Variants in CBLB observed in about 807,000 individuals in gnomAD.
CBLB encodes E3 ubiquitin-protein ligase CBL-B.
CBLB carries 31 observed loss-of-function variants against 104.9 expected under a neutral mutation model. The observed-to-expected ratio is 0.30, with a 90% CI of 0.22 to 0.40. The LOEUF is 0.40. CBLB is among the 10% of genes least tolerant of loss of function. CBLB has a pLI of 1.00. For missense variants in CBLB, 1,062 were observed against 1,214.6 expected, an observed-to-expected ratio of 0.87 and a Z score of 1.87; for synonymous variants, 440 against 422.6, an observed-to-expected ratio of 1.04 and a Z score of -0.51.
chr3:105,703,656 G>A (rs904927850), intron 11 of CBLB, among the ~76,000 whole-genome samples: 9 of 152,092 alleles, frequency 5.9e-5, no homozygotes, highest in East Asian at 1.9e-4. Flanking sequence ...AAAAATGAGC[G>A]TAAAATATCA....
At chr3:105,736,290 G>A (rs759968596) in intron 8 of CBLB, among the ~76,000 whole-genome samples, 3 of 151,882 alleles carry the variant, frequency 2.0e-5, no homozygotes, top group Non-Finnish European at 4.4e-5. Context: ...TTACCAGTTT[G>A]GTGTTTTTTT....
intron 3 of CBLB, among the ~76,000 whole-genome samples, chr3:105,794,517 T>A (rs891574655): frequency 6.6e-6 from 1 of 152,178 alleles, no homozygotes; most frequent in Admixed American, 6.5e-5. Context: ...CAGAGATCAT[T>A]TATTAATTTC....
At chr3:105,667,553 A>T (rs562911751) in intron 18 of CBLB, among the ~76,000 whole-genome samples, 180 of 152,318 alleles carry the variant, frequency 1.2e-3, no homozygotes, top group African/African-American at 4.2e-3. Context: ...ACGTTCATAT[A>T]TTTAAATTTC....
At chr3:105,838,842 G>T (rs1293247164) in intron 3 of CBLB, among the ~76,000 whole-genome samples, 2 of 152,016 alleles carry the variant, frequency 1.3e-5, no homozygotes, top group Non-Finnish European at 2.9e-5. Flanking sequence ...GTTTCACCAT[G>T]TTGGCCAGGA....
intron 9 of CBLB, among the ~76,000 whole-genome samples, chr3:105,732,848 G>A (rs187465730): frequency 1.6e-4 from 24 of 152,220 alleles, no homozygotes; most frequent in Admixed American, 2.6e-4. Flanking sequence ...AATAGGGTAG[G>A]AATGTCAACT....
chr3:105,781,515 A>G (rs1181395953), intron 3 of CBLB, among the ~76,000 whole-genome samples: 1 of 151,754 alleles, frequency 6.6e-6, no homozygotes, highest in African/African-American at 2.4e-5. Context: ...AATCTGCTCT[A>G]ATTATAGCCA....
At chr3:105,748,341 C>G (rs2076295992) in intron 5 of CBLB, among the ~76,000 whole-genome samples, 1 of 152,164 alleles carries the variant, frequency 6.6e-6, no homozygotes, top group South Asian at 2.1e-4. Flanking sequence ...CTCTATAATT[C>G]TTTACTACAA....
chr3:105,841,746 C>A (rs1283634836), intron 3 of CBLB, among the ~76,000 whole-genome samples: 1 of 152,118 alleles, frequency 6.6e-6, no homozygotes, highest in African/African-American at 2.4e-5. Context: ...AGCCACCACG[C>A]CCAGCCCAGA....
At chr3:105,667,720 T>C (rs1199374594) in intron 18 of CBLB, among the ~76,000 whole-genome samples, 2 of 152,192 alleles carry the variant, frequency 1.3e-5, no homozygotes, top group African/African-American at 4.8e-5. Flanking sequence ...TCAATGAAAC[T>C]ACATTTTAAA....
upstream of CBLB, chr3:105,869,428 C>G: frequency 7.5e-7 from 1 of 1,326,322 alleles, no homozygotes. Context: ...CGCTTACCTT[C>G]CTAGTCTTTT....
intron 18 of CBLB, 134 bp from the exon 19 acceptor site, chr3:105,659,363 T>C: frequency 2.1e-6 from 2 of 954,428 alleles, no homozygotes; most frequent in South Asian, 3.1e-5. Flanking sequence ...TTTTTTTCAA[T>C]TTTTCCATAC....
At chr3:105,838,149 C>T (rs1298033633) in intron 3 of CBLB, among the ~76,000 whole-genome samples, 3 of 147,134 alleles carry the variant, frequency 2.0e-5, no homozygotes, top group African/African-American at 5.0e-5. Flanking sequence ...GCGCCATGAC[C>T]TCAGCTCACA....
chr3:105,776,667 T>C, intron 3 of CBLB, 125 bp from the exon 4 acceptor site: 3 of 882,664 alleles, frequency 3.4e-6, no homozygotes, highest in Non-Finnish European at 5.3e-6. Flanking sequence ...TGGTGGTTGA[T>C]CACGAAAACC....
chr3:105,668,566 G>GTCTT (rs1417721896), intron 18 of CBLB, among the ~76,000 whole-genome samples: 1 of 152,072 alleles, frequency 6.6e-6, no homozygotes, highest in Non-Finnish European at 1.5e-5. Context: ...GTCAGATATT[G>GTCTT]TCTTTCTTTC....
chr3:105,659,810 G>T (rs2063601322), intron 18 of CBLB, among the ~76,000 whole-genome samples: 1 of 151,824 alleles, frequency 6.6e-6, no homozygotes, highest in South Asian at 2.1e-4. Flanking sequence ...CCTTACTGAT[G>T]CTAGGAGAAA....
At chr3:105,831,784 A>G (rs1198256734) in intron 3 of CBLB, among the ~76,000 whole-genome samples, 1 of 152,232 alleles carries the variant, frequency 6.6e-6, no homozygotes, top group Non-Finnish European at 1.5e-5. Flanking sequence ...ACTTTTCAGG[A>G]AGGCAAAGCA....
intron 3 of CBLB, among the ~76,000 whole-genome samples, chr3:105,830,078 T>C (rs2087250500): frequency 6.6e-6 from 1 of 151,992 alleles, no homozygotes; most frequent in Non-Finnish European, 1.5e-5. Context: ...GAAGAAGGAG[T>C]GATGCAGAGT....
intron 3 of CBLB, among the ~76,000 whole-genome samples, chr3:105,798,010 G>A (rs2082426879): frequency 6.6e-6 from 1 of 152,160 alleles, no homozygotes; most frequent in African/African-American, 2.4e-5. Context: ...GCCATATGAA[G>A]GGCAGATGCA....
At chr3:105,702,048 G>T (rs776639768) in intron 12 of CBLB, 46 bp downstream of exon 12, 25 of 1,610,246 alleles carry the variant, frequency 1.6e-5, no homozygotes, top group Non-Finnish European at 1.8e-5. Context: ...ACCATCAGAA[G>T]CATTTATAAG....
Sources: allele counts gnomAD v4.1 joint callset (sites outside exome capture counted in the v4.1 genomes callset), GRCh38; gene constraint gnomAD v4.1.1; transcripts MANE v1.5; gene names NCBI Gene and HGNC (gene_info 2026-07-23, HGNC 2026-07-21).